RBFOX2: variants seen among roughly 807,000 people sequenced by gnomAD.
The protein encoded by RBFOX2 is RNA binding fox-1 homolog 2.
Under a neutral mutation model 49.1 loss-of-function variants are expected in RBFOX2, and 10 were observed. That is an observed-to-expected ratio of 0.20 (90% CI 0.13 to 0.35). The LOEUF (loss-of-function observed/expected upper bound fraction) is 0.35, where lower values mean the gene tolerates loss of function less well. Among genes scored for constraint, RBFOX2 ranks in the 10% least tolerant of loss-of-function variants. The pLI is 1.00. For synonymous variants in RBFOX2, 183 were observed against 187.4 expected, an observed-to-expected ratio of 0.98 and a Z score of 0.19; for missense variants, 323 against 486.9, an observed-to-expected ratio of 0.66 and a Z score of 3.17.
chr22:35,753,380 T>A (rs974464076), intron 9 of RBFOX2, among the ~76,000 whole-genome samples: 13 of 152,218 alleles, frequency 8.5e-5, no homozygotes, highest in African/African-American at 2.9e-4. Context: ...AACAGTTGTA[T>A]TAGGCCTAAC....
At chr22:35,894,844 C>T (rs2047648456) in intron 1 of RBFOX2, among the ~76,000 whole-genome samples, 1 of 151,984 alleles carries the variant, frequency 6.6e-6, no homozygotes. Flanking sequence ...TCGGGCTGCT[C>T]AAACTCAGCG....
chr22:35,903,077 C>T (rs944362057), intron 1 of RBFOX2, among the ~76,000 whole-genome samples: 3 of 152,030 alleles, frequency 2.0e-5, no homozygotes, highest in South Asian at 2.1e-4. Context: ...TTAAAGTTCT[C>T]CTTTGACCCC....
chr22:35,911,718 G>A (rs2049854625), intron 1 of RBFOX2, among the ~76,000 whole-genome samples: 1 of 152,058 alleles, frequency 6.6e-6, no homozygotes, highest in South Asian at 2.1e-4. Context: ...CTCTGCCTAT[G>A]ACTCCATCAA....
intron 2 of RBFOX2, among the ~76,000 whole-genome samples, chr22:35,806,572 AAAAT>A (rs1950781199): frequency 6.6e-6 from 1 of 152,232 alleles, no homozygotes; most frequent in East Asian, 1.9e-4. Flanking sequence ...GCACAAACAA[AAAAT>A]AACTAAAGAA....
chr22:35,806,866 A>G (rs1950839615), intron 2 of RBFOX2, among the ~76,000 whole-genome samples: 1 of 152,136 alleles, frequency 6.6e-6, no homozygotes, highest in Non-Finnish European at 1.5e-5. Flanking sequence ...GTGCAGTGGC[A>G]TGATCTCAGT....
intron 1 of RBFOX2, among the ~76,000 whole-genome samples, chr22:35,959,459 G>A (rs1437777622): frequency 6.6e-6 from 1 of 152,240 alleles, no homozygotes; most frequent in Non-Finnish European, 1.5e-5. Flanking sequence ...GAAAAATGGA[G>A]AGATAATTCA....
chr22:35,768,156 C>G, intron 5 of RBFOX2, 101 bp downstream of exon 6: 2 of 1,225,888 alleles, frequency 1.6e-6, no homozygotes, highest in Non-Finnish European at 2.4e-6. Context: ...CATGTGCACA[C>G]GCACACATAA....
At chr22:35,744,311 G>T in intron 11 of RBFOX2, 62 bp from the exon 14 acceptor site, 2 of 1,457,150 alleles carry the variant, frequency 1.4e-6, no homozygotes, top group Non-Finnish European at 1.9e-6. Flanking sequence ...TAACAGTGAA[G>T]AAAAATGTCC....
At chr22:35,937,242 A>G (rs1347581374) in intron 1 of RBFOX2, among the ~76,000 whole-genome samples, 3 of 152,238 alleles carry the variant, frequency 2.0e-5, no homozygotes, top group African/African-American at 7.2e-5. Context: ...ATATAAAAGT[A>G]CTATCAAAGG....
At chr22:35,840,551 A>G (rs1209158018) in exon 1 of RBFOX2, 62 of 1,196,106 alleles carry the variant, frequency 5.2e-5, no homozygotes, top group Non-Finnish European at 6.2e-5. Flanking sequence ...CAGCAGGCTG[A>G]CATCTCCCAA....
exon 2 of RBFOX2, chr22:35,809,964 T>A (rs774818071): frequency 6.2e-7 from 1 of 1,614,142 alleles, no homozygotes; most frequent in Admixed American, 1.7e-5. Flanking sequence ...AGTAAAAGGC[T>A]GAACCATTGC....
chr22:36,018,768 C>G (rs1314606436), intron 1 of RBFOX2, among the ~76,000 whole-genome samples: 1 of 152,204 alleles, frequency 6.6e-6, no homozygotes, highest in Non-Finnish European at 1.5e-5. Context: ...CATGCGCCAC[C>G]ACGCCCAGCT....
rs780415129 is a variant in RBFOX2 at position 35,955,525 on chromosome 22, TG to T, written c.42+6037del. ...CTTTTTGGCACAGGGACTGGTTTCA[TG>T]GGAGATAATTTTTCCATGGGGGGTG... On this transcript the variant is annotated intron_variant, in intron 1 of 5. Coordinates refer to the RBFOX2 transcript ENST00000408983. Among the ~76,000 whole-genome samples, 81 of 134,684 alleles carry T rather than the reference TG, an allele frequency of 6.0e-4. 1 individual carries two copies. Among genetic ancestry groups the T allele is most frequent in the Admixed American group, 1.0e-3 (13 of 12,584 alleles). 88.4% of individuals were successfully genotyped at this position (134,684 alleles called of 152,430 possible).
upstream of RBFOX2, among the ~76,000 whole-genome samples, chr22:35,940,197 T>C (rs2053551264): frequency 6.6e-6 from 1 of 152,166 alleles, no homozygotes; most frequent in South Asian, 2.1e-4. Context: ...TTGTTCATCA[T>C]GGTTTCCCTG....
At chr22:36,025,867 C>T (rs2059413221) in intron 1 of RBFOX2, among the ~76,000 whole-genome samples, 2 of 151,880 alleles carry the variant, frequency 1.3e-5, no homozygotes, top group Admixed American at 6.6e-5. Flanking sequence ...ACAGAGGCCC[C>T]AAAATGAAAG....
intron 1 of RBFOX2, among the ~76,000 whole-genome samples, chr22:35,906,994 A>G (rs2049195691): frequency 6.6e-6 from 1 of 152,226 alleles, no homozygotes; most frequent in Non-Finnish European, 1.5e-5. Flanking sequence ...ATAAAAGTAT[A>G]TACATTTCAA....
intron 1 of RBFOX2, among the ~76,000 whole-genome samples, chr22:35,875,397 G>A (rs1305754390): frequency 6.6e-6 from 1 of 152,058 alleles, no homozygotes; most frequent in Non-Finnish European, 1.5e-5. Context: ...GAAAAGGGGG[G>A]CCACTGAGCC....
At chr22:35,806,339 A>C (rs1225750542) in intron 2 of RBFOX2, among the ~76,000 whole-genome samples, 1 of 152,168 alleles carries the variant, frequency 6.6e-6, no homozygotes, top group Non-Finnish European at 1.5e-5. Context: ...TTAAAGTAAT[A>C]ATTATAATAG....
At chr22:35,923,801 C>T (rs1014086294) in intron 1 of RBFOX2, among the ~76,000 whole-genome samples, 9 of 151,158 alleles carry the variant, frequency 6.0e-5, no homozygotes, top group African/African-American at 1.9e-4. Context: ...ACAGGTATTA[C>T]AGCAATACCT....
Sources: allele counts gnomAD v4.1 joint callset (sites outside exome capture counted in the v4.1 genomes callset), GRCh38; gene constraint gnomAD v4.1.1; transcripts MANE v1.5; gene names NCBI Gene and HGNC (gene_info 2026-07-23, HGNC 2026-07-21).